The following RPTOR variants were observed in gnomAD, a reference collection of about 807,000 sequenced individuals.
RPTOR encodes regulatory associated protein of MTOR complex 1.
A neutral mutation model predicts 169.9 loss-of-function variants in RPTOR; 21 were observed. The ratio of observed to expected loss-of-function variants is 0.12; its 90% CI spans 0.09 to 0.18. The LOEUF is 0.18. Ranked by LOEUF, RPTOR falls within the 10% of genes least tolerant of loss-of-function variation. RPTOR has a pLI of 1.00. For synonymous variants in RPTOR, 732 were observed against 753.2 expected (o/e 0.97, Z 0.46); for missense variants, 1,133 against 1,855.9 (o/e 0.61, Z 7.16).
intron 3 of RPTOR, among the ~76,000 whole-genome samples, chr17:80,694,569 A>G (rs1040669724): frequency 1.4e-4 from 22 of 152,144 alleles, no homozygotes; most frequent in Admixed American, 3.3e-4. Flanking sequence ...CCTTCCTTCC[A>G]TCCAGCATCA....
Position 80,963,027 on chromosome 17 carries a change from C to A in RPTOR, c.3909C>A (p.Ala1303=). 1 of 1,604,396 alleles carries A rather than the reference C, an allele frequency of 6.2e-7. No homozygotes were observed. The highest frequency in any genetic ancestry group is 8.5e-7 in the Non-Finnish European group (1 of 1,175,228). ...GCTTCATGGGCCAGCGGGTCGGCGC[C>A]ATCAGCTGCCTGGCCTTCCACCCGC... is the stretch of plus-strand genomic sequence containing the variant. The part of the protein sequence containing the change: ...YDGFMGQRVG[A]ISCLAFHPHW... Residue 1303 remains alanine (A), a synonymous_variant, in exon 33 of 34, where the codon GCC becomes GCA. Coordinates refer to ENST00000306801, the MANE Select transcript of RPTOR (RefSeq NM_020761.3).
rs749083508 is a variant in RPTOR, at chr17:80,893,844, T to G, written c.2380T>G (p.Ser794Ala). Residue 794 changes from serine to alanine, a missense_variant, in exon 20 of 34, where the codon TCC (serine) becomes GCC (alanine). Around this residue, in one of 9 missense-constraint regions of RPTOR, gnomAD observed 150 missense variants for 206.4 expected, o/e 0.73. Coordinates refer to ENST00000306801, the MANE Select transcript of RPTOR (RefSeq NM_020761.3). ...CAAGATGCGCCGCGCCAGCTCCTAC[T>G]CCTCCCTCAACTCCCTCATCGGTGA... ...IDKMRRASSY[S>A]SLNSLIGVSF... 3 of 1,524,520 alleles carry G rather than the reference T, an allele frequency of 2.0e-6. No homozygotes were observed. In the Admixed American group the frequency reaches 6.3e-5, roughly 32 times the overall value. 94.4% of individuals were successfully genotyped at this position (1,524,520 alleles called of 1,614,324 possible). A position where few individuals can be genotyped will look rare whatever the true frequency, so the allele number is the denominator to read the frequency against.
At chr17:80,913,407 T>C (rs974473896) in intron 21 of RPTOR, among the ~76,000 whole-genome samples, 1 of 152,182 alleles carries the variant, frequency 6.6e-6, no homozygotes, top group African/African-American at 2.4e-5. Context: ...GGGGTTTTCA[T>C]TTTGCTTTTA....
chr17:80,798,346 A>G (rs2143519631), intron 7 of RPTOR, among the ~76,000 whole-genome samples: 1 of 152,336 alleles, frequency 6.6e-6, no homozygotes, highest in Admixed American at 6.5e-5. Context: ...GCGTCACAGC[A>G]TGTGGCCAGC....
chr17:80,836,278 G>C (rs1165481479), intron 9 of RPTOR, among the ~76,000 whole-genome samples: 1 of 152,206 alleles, frequency 6.6e-6, no homozygotes, highest in East Asian at 1.9e-4. Flanking sequence ...TCTCCTTCTC[G>C]AAAGTCACAC....
rs912978925 is a variant in RPTOR at position 80,562,495 on chromosome 17, C to A, written c.162+16704C>A. On this transcript the variant is annotated intron_variant, in intron 1 of 33. Transcript: ENST00000306801. The surrounding 1 kb of genome is among the most constrained non-coding windows in gnomAD (Gnocchi z 4.4). ...TTTTATTTTATCCTTAAAAGTAGAT[C>A]AGACAAGGCCGGGAGCAGTGGCTCA... is the stretch of plus-strand genomic sequence containing the variant. Among the ~76,000 whole-genome samples the A allele has an allele frequency of 3.9e-5, 6 of 152,144 alleles. No individual in the cohort carries two copies. Among genetic ancestry groups the A allele is most frequent in the Non-Finnish European group, 1.5e-5 (1 of 68,024 alleles).
chr17:80,753,342 T>C (rs2066647320), intron 5 of RPTOR, among the ~76,000 whole-genome samples: 2 of 151,346 alleles, frequency 1.3e-5, no homozygotes, highest in African/African-American at 2.4e-5. Flanking sequence ...TAGATTAAGA[T>C]TGAACGTTTA....
chr17:80,688,567 AAAG>A (rs1428675712), intron 3 of RPTOR, among the ~76,000 whole-genome samples: 26 of 152,282 alleles, frequency 1.7e-4, no homozygotes, highest in African/African-American at 6.0e-4. Flanking sequence ...TCAAAGGGAG[AAAG>A]AAGAAGGGAC....
At chr17:80,945,187 T>C (rs189066973) in intron 25 of RPTOR, among the ~76,000 whole-genome samples, 10 of 151,746 alleles carry the variant, frequency 6.6e-5, no homozygotes, top group Non-Finnish European at 1.2e-4. Context: ...CCCAGCTACA[T>C]GCAGAGTTGA....
Position 80,860,867 on chromosome 17 carries a change from C to G in RPTOR, c.1509+2967C>G, listed in dbSNP as rs1206627412. Among the ~76,000 whole-genome samples the G allele has an allele frequency of 6.6e-6, 1 of 151,992 alleles. No individual in the cohort carries two copies. ...CTGCTGGCACGGGTCGGCTACCGTG[C>G]TTGCCATCTCTCCCAGCTGCTCCTG... On this transcript the variant is annotated intron_variant, in intron 13 of 33. Transcript: ENST00000306801. This position sits in a 1 kb window ranked among gnomAD's most constrained non-coding sequence, Gnocchi z 5.8.
At chr17:80,634,831 T>C (rs62068349) in intron 2 of RPTOR, among the ~76,000 whole-genome samples, 129,298 of 132,134 alleles carry the variant, frequency 0.98, 63,276 homozygotes, top group East Asian at 0.99. Flanking sequence ...ATACTGTGTG[T>C]GTGTGCATAC....
chr17:80,701,237 C>T (rs1347675219), intron 3 of RPTOR, among the ~76,000 whole-genome samples: 1 of 152,166 alleles, frequency 6.6e-6, no homozygotes, highest in Non-Finnish European at 1.5e-5. Flanking sequence ...GTGTCCTCAG[C>T]GGCTCCACCT....
At chr17:80,714,805 C>A (rs1263956500) in intron 4 of RPTOR, among the ~76,000 whole-genome samples, 6 of 152,188 alleles carry the variant, frequency 3.9e-5, no homozygotes, top group Non-Finnish European at 7.3e-5. Flanking sequence ...CCCACTGCAA[C>A]CTTTGTCTCC....
rs569169402 is a variant in RPTOR at position 80,609,459 on chromosome 17, G to C, written c.163-16232G>C. On this transcript the variant is annotated intron_variant, in intron 1 of 33. Coordinates refer to ENST00000306801, the MANE Select transcript of RPTOR (RefSeq NM_020761.3). The surrounding 1 kb of genome is among the most constrained non-coding windows in gnomAD (Gnocchi z 4.8). ...GTCTTGAGATGTGTATAAATCATTT[G>C]ATTTGGCTGGGCAGGGTGGCTCACA... Among the ~76,000 whole-genome samples the C allele has an allele frequency of 7.4e-4, 113 of 152,282 alleles. 1 individual carries two copies. The highest frequency in any genetic ancestry group is 2.1e-4 in the Non-Finnish European group (14 of 68,016).
rs995383761 is a variant in RPTOR, at chr17:80,959,349, G to A, written c.3478-729G>A. Among the ~76,000 whole-genome samples, 1 of 152,168 alleles carries A rather than the reference G, an allele frequency of 6.6e-6. No individual in the cohort carries two copies. Among genetic ancestry groups the A allele is most frequent in the Non-Finnish European group, 1.5e-5 (1 of 68,014 alleles). ...GGGCTTAGAGGCCCAGGTGGCCTGCGGGGCAGGTGCTGTTCCTGCAGAGGT... is the reference window on the plus strand; with the variant it reads ...GGGCTTAGAGGCCCAGGTGGCCTGCAGGGCAGGTGCTGTTCCTGCAGAGGT... On this transcript the variant is annotated intron_variant, in intron 29 of 33. Coordinates refer to ENST00000306801, the MANE Select transcript of RPTOR (RefSeq NM_020761.3). This position sits in a 1 kb window ranked among gnomAD's most constrained non-coding sequence, Gnocchi z 6.7.
chr17:80,631,507 G>A (rs569905465), intron 2 of RPTOR, among the ~76,000 whole-genome samples: 2 of 152,152 alleles, frequency 1.3e-5, no homozygotes, highest in Admixed American at 1.3e-4. Flanking sequence ...CTGTGCATGT[G>A]CCCGGGCTTT....
At chr17:80,893,314 A>G (rs1397526533) in intron 19 of RPTOR, among the ~76,000 whole-genome samples, 8 of 122,250 alleles carry the variant, frequency 6.5e-5, no homozygotes, top group East Asian at 2.4e-4. Flanking sequence ...TGTGTGCGCC[A>G]GGTGTGTGCG....
chr17:80,859,782 C>A (rs1246567496), intron 13 of RPTOR, among the ~76,000 whole-genome samples: 1 of 152,242 alleles, frequency 6.6e-6, no homozygotes, highest in Non-Finnish European at 1.5e-5. Context: ...GGCGCCCTGT[C>A]AGGCGGCTTT....
chr17:80,904,180 C>T (rs932407644), intron 20 of RPTOR, among the ~76,000 whole-genome samples: 7 of 152,188 alleles, frequency 4.6e-5, no homozygotes, highest in South Asian at 2.1e-4. Flanking sequence ...GCGTGATTCT[C>T]GTAACAGCCA....
Sources: allele counts gnomAD v4.1 joint callset (sites outside exome capture counted in the v4.1 genomes callset), GRCh38; gene constraint gnomAD v4.1.1; regional missense constraint gnomAD v4.1.1; non-coding constraint Gnocchi (gnomAD v3.1); transcripts MANE v1.5; gene names NCBI Gene and HGNC (gene_info 2026-07-23, HGNC 2026-07-21).